Variants in GGA1 observed in about 807,000 individuals in gnomAD.
The protein encoded by GGA1 is golgi associated, gamma adaptin ear containing, ARF binding protein 1.
GGA1 carries 18 observed loss-of-function variants against 76.9 expected under a neutral mutation model. The observed-to-expected ratio is 0.23, with a 90% CI of 0.16 to 0.35. GGA1 has a LOEUF of 0.35. GGA1 is among the 10% of genes least tolerant of loss of function. The pLI is 1.00. For missense variants in GGA1, 755 were observed against 859.0 expected, an observed-to-expected ratio of 0.88 and a Z score of 1.51; for synonymous variants, 342 against 354.7, an observed-to-expected ratio of 0.96 and a Z score of 0.40.
At chr22:37,631,537 A>G (rs1931800233) in intron 14 of GGA1, among the ~76,000 whole-genome samples, 1 of 152,110 alleles carries the variant, frequency 6.6e-6, no homozygotes, top group Non-Finnish European at 1.5e-5. Flanking sequence ...GGTCCTCAGC[A>G]TTGCCCTCTA....
chr22:37,630,241 GGCTTGT>G, intron 13 of GGA1, 71 bp downstream of exon 13: 2 of 1,149,300 alleles, frequency 1.7e-6, no homozygotes, highest in Non-Finnish European at 2.5e-6. Flanking sequence ...ACTTCTCCTG[GGCTTGT>G]CCAGGCCCAG....
At position 37,611,338 on chromosome 22, in the gene GGA1, A is replaced by G. The variant is rs191090512; in HGVS notation, c.43+2435A>G. ...GAGCCCTCCCAGAGAGCAGCTCCCG[A>G]GGGCTCCAGAGCCCTCCGAAAGCCC... On this transcript the variant is annotated intron_variant, in intron 1 of 16. Coordinates refer to ENST00000343632, the MANE Select transcript of GGA1 (RefSeq NM_013365.5). 4.0e-5 allele frequency among the ~76,000 whole-genome samples: 6 copies of G among 151,594 alleles called. No individual in the cohort carries two copies. The East Asian group carries it at 7.8e-4, about 20-fold the overall frequency.
At chr22:37,620,555 G>A (rs542639770) in intron 5 of GGA1, among the ~76,000 whole-genome samples, 194 bp downstream of exon 5, 51 of 152,324 alleles carry the variant, frequency 3.3e-4, no homozygotes, top group African/African-American at 9.9e-4. Flanking sequence ...GAAAGAAGGT[G>A]AGTTCGAATC....
intron 13 of GGA1, chr22:37,630,527 C>T (rs948484786): frequency 9.1e-6 from 4 of 439,606 alleles, no homozygotes; most frequent in African/African-American, 6.2e-5. Flanking sequence ...GCCACACGTG[C>T]CAGCCTTTCC....
intron 11 of GGA1, 72 bp downstream of exon 11, chr22:37,626,021 C>G (rs1249293445): frequency 7.8e-7 from 1 of 1,288,768 alleles, no homozygotes; most frequent in Non-Finnish European, 1.1e-6. Context: ...GGCCCACTCA[C>G]AGCTAGCGGA....
intron 1 of GGA1, 140 bp downstream of exon 1, chr22:37,609,043 C>T: frequency 6.9e-7 from 1 of 1,452,138 alleles, no homozygotes; most frequent in Non-Finnish European, 9.0e-7. Context: ...TGTCCTCAGT[C>T]GGCCCCTCAG....
chr22:37,624,529 T>C lies in GGA1; in HGVS notation c.833-440T>C, dbSNP rs1395239578. 1 of 153,140 alleles carries C rather than the reference T, an allele frequency of 6.5e-6. No individual in the cohort carries two copies. The highest frequency in any genetic ancestry group is 1.9e-4 in the East Asian group (1 of 5,248). The allele number at this position is 153,140 out of a possible 1,614,324, so 9.5% of individuals were successfully genotyped here. A position where few individuals can be genotyped will look rare whatever the true frequency, so the allele number is the denominator to read the frequency against. On this transcript the variant is annotated intron_variant, in intron 9 of 16. Transcript: ENST00000343632. This position sits in a 1 kb window ranked among gnomAD's most constrained non-coding sequence, Gnocchi z 4.3. ...AGGAGACAGACAATAACCAAGTCCATGAGCACCGACAGTTCGTCACGGTGG... is the reference window on the plus strand; with the variant it reads ...AGGAGACAGACAATAACCAAGTCCACGAGCACCGACAGTTCGTCACGGTGG...
intron 11 of GGA1, chr22:37,626,214 C>T (rs1422604858): frequency 2.9e-6 from 1 of 350,082 alleles, no homozygotes; most frequent in African/African-American, 2.1e-5. Flanking sequence ...CTCTGGCAGC[C>T]TGGGGGGAAA....
At chr22:37,620,085 C>T in intron 4 of GGA1, 153 bp from the exon 5 acceptor site, 2 of 761,872 alleles carry the variant, frequency 2.6e-6, no homozygotes, top group Non-Finnish European at 4.5e-6. Context: ...TGAACTCAGT[C>T]TACCCCAGGC....
rs557153407 is a variant in GGA1, at chr22:37,621,013, C to G, written c.528+100C>G. 1.3e-4 allele frequency: 103 copies of G among 768,794 alleles called. No homozygotes were observed. The East Asian group carries it at 2.5e-3, about 19-fold the overall frequency. The allele number at this position is 768,794 out of a possible 1,614,324, so 47.6% of individuals were successfully genotyped here. ...CTGGCATCAGCCGTTGGAACAGAGG[C>G]ACACACTGAGCCCAGGCATCGTTGT... On this transcript the variant is annotated intron_variant, in intron 6 of 16. Coordinates refer to ENST00000343632, the MANE Select transcript of GGA1 (RefSeq NM_013365.5).
intron 1 of GGA1, 129 bp from the exon 2 acceptor site, chr22:37,614,061 G>T (rs2294973): frequency 2.0e-5 from 14 of 703,596 alleles, no homozygotes; most frequent in African/African-American, 1.8e-4. Flanking sequence ...CAGGAAGGCA[G>T]GGGGAGAGCT....
chr22:37,627,636 G>T (rs1262675233), intron 11 of GGA1, among the ~76,000 whole-genome samples: 1 of 152,228 alleles, frequency 6.6e-6, no homozygotes, highest in Non-Finnish European at 1.5e-5. Flanking sequence ...CCCCCAGCCA[G>T]CAGCTGCAGC....
intron 1 of GGA1, 179 bp from the exon 2 acceptor site, chr22:37,614,007 ATCTG>A: frequency 3.5e-6 from 2 of 579,580 alleles, no homozygotes; most frequent in Non-Finnish European, 6.2e-6. Flanking sequence ...AGCTGTGCTC[ATCTG>A]TCTGTCTACA....
rs1360510622 is a variant in GGA1 at position 37,623,271 on chromosome 22, G to A, written c.610-56G>A. On this transcript the variant is annotated intron_variant, in intron 7 of 16. Transcript: ENST00000343632. This position sits in a 1 kb window ranked among gnomAD's most constrained non-coding sequence, Gnocchi z 4.6. ...CACACATTCTCTCAAGTGGCAGGGG[G>A]CAGTGCCTCGTCCAGGCCAAAGGTT... 3 of 1,529,376 alleles carry A rather than the reference G, an allele frequency of 2.0e-6. No individual in the cohort carries two copies. Among genetic ancestry groups the A allele is most frequent in the Non-Finnish European group, 2.7e-6 (3 of 1,103,574 alleles). 94.7% of individuals were successfully genotyped at this position (1,529,376 alleles called of 1,614,324 possible).
chr22:37,632,589 T>C lies in GGA1; in HGVS notation c.1810-12T>C. On this transcript the variant is annotated splice_polypyrimidine_tract_variant and intron_variant, in intron 16 of 16. Coordinates refer to ENST00000343632, the MANE Select transcript of GGA1 (RefSeq NM_013365.5). This position sits in a 1 kb window ranked among gnomAD's most constrained non-coding sequence, Gnocchi z 5.1. ...TCCTCTGACCCCTCTGCCTTTGCCA[T>C]CTCTTCCCCAGGAGAAGGTTCGCCT... The C allele has an allele frequency of 6.2e-7, 1 of 1,605,158 alleles. No individual in the cohort carries two copies. The highest frequency in any genetic ancestry group is 1.3e-5 in the African/African-American group (1 of 74,836).
At chr22:37,622,910 G>A (rs867749423) in intron 7 of GGA1, among the ~76,000 whole-genome samples, 2 of 152,236 alleles carry the variant, frequency 1.3e-5, no homozygotes, top group Admixed American at 6.5e-5. Context: ...CTTCCTGCTC[G>A]TTTCCAGGCT....
chr22:37,613,707 G>T (rs551078426), intron 1 of GGA1, among the ~76,000 whole-genome samples: 84 of 152,174 alleles, frequency 5.5e-4, no homozygotes, highest in African/African-American at 1.9e-3. Flanking sequence ...CCCCTCCTCT[G>T]TGTTTCTACA....
At chr22:37,630,545 CT>C (rs1931617007) in intron 13 of GGA1, 2 of 445,160 alleles carry the variant, frequency 4.5e-6, no homozygotes, top group Admixed American at 4.2e-5. Flanking sequence ...TCCTGTGCCC[CT>C]GATCTCTCCA....
In GGA1 at chr22:37,624,913, C is replaced by T. The variant is rs369300704; in HGVS notation, c.833-56C>T. 29 of 1,535,632 alleles carry T rather than the reference C, an allele frequency of 1.9e-5. No individual in the cohort carries two copies. Among genetic ancestry groups the T allele is most frequent in the Middle Eastern group, 2.3e-4 (1 of 4,328 alleles). On this transcript the variant is annotated intron_variant, in intron 9 of 16. Coordinates refer to ENST00000343632, the MANE Select transcript of GGA1 (RefSeq NM_013365.5). This position sits in a 1 kb window ranked among gnomAD's most constrained non-coding sequence, Gnocchi z 4.3. ...TGGATGTGGGGTCCTCGTCCCCTGC[C>T]GCCCAGAGGCCCCCACAGTCCTTCA...
Sources: gnomAD v4.1 joint callset for allele counts (sites outside exome capture counted in the v4.1 genomes callset) on GRCh38, gnomAD v4.1.1 for gene constraint, Gnocchi (gnomAD v3.1) non-coding constraint, MANE v1.5 for transcripts, NCBI Gene and HGNC (gene_info 2026-07-23, HGNC 2026-07-21) for gene names.